The following LOXHD1 variants were observed in gnomAD, a reference collection of about 807,000 sequenced individuals.
LOXHD1 encodes the protein lipoxygenase homology PLAT domains 1, also known as lipoxygenase homology domain-containing protein 1.
LOXHD1 carries 205 observed loss-of-function variants against 248.2 expected under a neutral mutation model. That is an observed-to-expected ratio of 0.83 (90% CI 0.74 to 0.93). The LOEUF is 0.93. LOXHD1 is among the 40% of genes least tolerant of loss of function. The pLI, the probability that LOXHD1 is intolerant of heterozygous loss-of-function variation, is 0.00. For missense variants in LOXHD1, 2,930 were observed against 2,971.6 expected (o/e 0.99, Z 0.33); for synonymous variants, 1,113 against 1,162.8 (o/e 0.96, Z 0.87).
In LOXHD1 at chr18:46,563,239, T is replaced by C. The variant is rs922625700; in HGVS notation, c.2438-14A>G. The C allele has an allele frequency of 1.3e-6, 2 of 1,483,662 alleles. No individual in the cohort carries two copies. The highest frequency in any genetic ancestry group is 1.8e-6 in the Non-Finnish European group (2 of 1,100,610). The allele number at this position is 1,483,662 out of a possible 1,614,324, so 91.9% of individuals were successfully genotyped here. On this transcript the variant is annotated splice_polypyrimidine_tract_variant and intron_variant, in intron 17 of 40. Coordinates refer to ENST00000642948, the MANE Select transcript of LOXHD1 (RefSeq NM_001384474.1). ...CATAGTGGACCACTGGGTGGGCACG[T>C]GCAGAAGAAGTGGAACATTTAGTAA...
rs1363446187 is a variant in LOXHD1, at chr18:46,545,327, C to T, written c.3609G>A (p.Gln1203=). 1.3e-6 allele frequency: 2 copies of T among 1,551,364 alleles called. No individual in the cohort carries two copies. The highest frequency in any genetic ancestry group is 1.7e-6 in the Non-Finnish European group (2 of 1,146,560). The change falls in exon 23 of 41, where the codon CAG becomes CAA. Residue 1203 remains glutamine (Q), a synonymous_variant. Coordinates refer to ENST00000642948, the MANE Select transcript of LOXHD1 (RefSeq NM_001384474.1). ...GCACTGCTTTCTTACCAGTGTCATC[C>T]TGTGTGCCAAAGAGTGTGATGAAGA... The part of the protein sequence containing the change: ...ANVFITLFGT[Q]DDTGMTLLKS...
chr18:46,538,425 C>A lies in LOXHD1; in HGVS notation c.3914-88G>T, dbSNP rs1028610537. ...AGAGCCAGTTCTTCACCAGCACAAC[C>A]AGCCCAGACCCTTGCACTGGGGAAC... On this transcript the variant is annotated intron_variant, in intron 25 of 40. Coordinates refer to ENST00000642948, the MANE Select transcript of LOXHD1 (RefSeq NM_001384474.1). 16 of 1,304,052 alleles carry A rather than the reference C, an allele frequency of 1.2e-5. No individual in the cohort carries two copies. In the South Asian group the frequency reaches 1.3e-4, roughly 11 times the overall value. The allele number at this position is 1,304,052 out of a possible 1,614,324, so 80.8% of individuals were successfully genotyped here.
At chr18:46,505,479 G>A (rs561964297) in intron 37 of LOXHD1, among the ~76,000 whole-genome samples, 9 of 152,222 alleles carry the variant, frequency 5.9e-5, no homozygotes, top group African/African-American at 1.9e-4. Flanking sequence ...CACTGCACCC[G>A]GCACAAACAT....
At chr18:46,651,147 C>T (rs1182769147) in intron 1 of LOXHD1, among the ~76,000 whole-genome samples, 1 of 152,218 alleles carries the variant, frequency 6.6e-6, no homozygotes, top group Non-Finnish European at 1.5e-5. Context: ...AGAAGCCCTG[C>T]AGGAGACCTC....
At chr18:46,487,778 G>C (rs1171162302) in intron 38 of LOXHD1, among the ~76,000 whole-genome samples, 4 of 152,206 alleles carry the variant, frequency 2.6e-5, no homozygotes, top group African/African-American at 9.6e-5. Context: ...ACAGAGTTGA[G>C]AGGAGAAGAG....
intron 6 of LOXHD1, among the ~76,000 whole-genome samples, chr18:46,606,356 A>C (rs948639344): frequency 6.6e-6 from 1 of 152,054 alleles, no homozygotes; most frequent in African/African-American, 2.4e-5. Context: ...ACACACACAC[A>C]CACACAGGTT....
chr18:46,489,051 G>T lies in LOXHD1; in HGVS notation c.5970C>A (p.Ser1990=). ...CCGTCTGCCCGTCACCCTCACTCTT[G>T]GAGAGCCAGCAGTCACACTGGAAGT... ...TFHFQCDCWL[S]KSEGDGQTVR... Residue 1990 remains serine, a synonymous_variant, in exon 38 of 41, where the codon TCC becomes TCA. Transcript: ENST00000642948. 2 of 1,551,670 alleles carry T rather than the reference G, an allele frequency of 1.3e-6. No homozygotes were observed. Among genetic ancestry groups the T allele is most frequent in the South Asian group, 2.4e-5 (2 of 84,054 alleles).
chr18:46,500,192 C>T (rs1449875728), intron 37 of LOXHD1, among the ~76,000 whole-genome samples: 1 of 152,204 alleles, frequency 6.6e-6, no homozygotes, highest in Non-Finnish European at 1.5e-5. Flanking sequence ...TCAAGCTGCA[C>T]TTTCTCCATA....
chr18:46,481,719 G>A (rs1427051911), intron 40 of LOXHD1, among the ~76,000 whole-genome samples: 3 of 152,180 alleles, frequency 2.0e-5, no homozygotes, highest in Non-Finnish European at 4.4e-5. Flanking sequence ...CTGCATTCCT[G>A]AGGCTGGAGG....
Position 46,621,264 on chromosome 18 carries a change from G to A in LOXHD1, c.512-2974C>T, listed in dbSNP as rs536165542. On this transcript the variant is annotated intron_variant, in intron 4 of 40. Coordinates refer to ENST00000642948, the MANE Select transcript of LOXHD1 (RefSeq NM_001384474.1). Reference sequence around the variant, plus strand: ...AGGAGACAAGAGCTGCAGCAGGGATGGACAGATACACCTCACGAAACCATT... The same window carrying A: ...AGGAGACAAGAGCTGCAGCAGGGATAGACAGATACACCTCACGAAACCATT... Among the ~76,000 whole-genome samples the A allele has an allele frequency of 1.1e-4, 17 of 152,314 alleles. No homozygotes were observed. The East Asian group carries it at 3.3e-3, about 29-fold the overall frequency.
intron 4 of LOXHD1, among the ~76,000 whole-genome samples, chr18:46,622,189 G>C (rs2038677834): frequency 6.6e-6 from 1 of 152,120 alleles, no homozygotes; most frequent in Non-Finnish European, 1.5e-5. Flanking sequence ...CACCAGATAG[G>C]AAATATTTTA....
intron 37 of LOXHD1, among the ~76,000 whole-genome samples, chr18:46,502,688 G>A (rs116587523): frequency 2.0e-4 from 30 of 152,178 alleles, no homozygotes; most frequent in African/African-American, 7.2e-4. Context: ...ACAGAGTATG[G>A]TCCTTAACAC....
chr18:46,528,726 GC>G (rs1310069227), intron 29 of LOXHD1, among the ~76,000 whole-genome samples: 1 of 152,290 alleles, frequency 6.6e-6, no homozygotes, highest in African/African-American at 2.4e-5. Context: ...GGAAACTGAG[GC>G]CAGAGAAGTT....
In LOXHD1 at chr18:46,518,110, A is replaced by G. The variant is rs1335104420; in HGVS notation, c.5399+19T>C. 3 of 1,548,958 alleles carry G rather than the reference A, an allele frequency of 1.9e-6. No individual in the cohort carries two copies. In the East Asian group the frequency reaches 7.4e-5, roughly 38 times the overall value. Reference sequence around the variant, plus strand: ...GTTGAATGTGGGAGGGGTGAGGGGCAGGGGCCGCCTCCAGGTACCTGGCTT... The same window carrying G: ...GTTGAATGTGGGAGGGGTGAGGGGCGGGGGCCGCCTCCAGGTACCTGGCTT... On this transcript the variant is annotated intron_variant, in intron 34 of 40. Coordinates refer to ENST00000642948, the MANE Select transcript of LOXHD1 (RefSeq NM_001384474.1).
In LOXHD1 at chr18:46,639,603, C is replaced by G. The variant is rs1265165427; in HGVS notation, c.511+13G>C. Reference sequence around the variant, plus strand: ...TAGGGAGGGATGGCAGGCAGGCCAGCCTAGGCACTGACCTCTGGGCATGTC... The same window carrying G: ...TAGGGAGGGATGGCAGGCAGGCCAGGCTAGGCACTGACCTCTGGGCATGTC... On this transcript the variant is annotated intron_variant, in intron 4 of 40. Coordinates refer to ENST00000642948, the MANE Select transcript of LOXHD1 (RefSeq NM_001384474.1). The G allele has an allele frequency of 1.5e-5, 23 of 1,547,968 alleles. No homozygotes were observed. The highest frequency in any genetic ancestry group is 2.0e-5 in the Non-Finnish European group (23 of 1,144,764).
At chr18:46,635,506 C>G (rs1202483096) in intron 4 of LOXHD1, among the ~76,000 whole-genome samples, 1 of 152,122 alleles carries the variant, frequency 6.6e-6, no homozygotes, top group East Asian at 1.9e-4. Flanking sequence ...GGATGGATCC[C>G]CACATCCCTG....
At chr18:46,563,489 A>C (rs1417307047) in intron 17 of LOXHD1, among the ~76,000 whole-genome samples, 1 of 152,150 alleles carries the variant, frequency 6.6e-6, no homozygotes, top group Non-Finnish European at 1.5e-5. Flanking sequence ...TCTGCACCAC[A>C]CGCACCAGGA....
chr18:46,654,792 C>CA (rs2039158920), intron 1 of LOXHD1, among the ~76,000 whole-genome samples: 1 of 152,208 alleles, frequency 6.6e-6, no homozygotes, highest in Non-Finnish European at 1.5e-5. Context: ...GCATCATCCA[C>CA]ATTTATAGGC....
intron 6 of LOXHD1, among the ~76,000 whole-genome samples, chr18:46,604,780 G>A (rs1232222739): frequency 3.9e-5 from 6 of 152,202 alleles, no homozygotes. Flanking sequence ...AGCTAAGTTA[G>A]TGAGGCTGAG....
Sources: gnomAD v4.1 joint callset for allele counts (sites outside exome capture counted in the v4.1 genomes callset) on GRCh38, gnomAD v4.1.1 for gene constraint, MANE v1.5 for transcripts, NCBI Gene and HGNC (gene_info 2026-07-23, HGNC 2026-07-21) for gene names.